ARHGAP44: variants seen among roughly 807,000 people sequenced by gnomAD.
ARHGAP44 encodes the protein Rho GTPase activating protein 44.
Under a neutral mutation model 106.8 loss-of-function variants are expected in ARHGAP44, and 43 were observed. The observed-to-expected ratio is 0.40, with a 90% CI of 0.32 to 0.52. ARHGAP44 has a LOEUF of 0.52. Among genes scored for constraint, ARHGAP44 ranks in the 20% least tolerant of loss-of-function variants. The pLI, the probability that ARHGAP44 is intolerant of heterozygous loss-of-function variation, is 0.48. For missense variants in ARHGAP44, 866 were observed against 1,050.5 expected, an observed-to-expected ratio of 0.82 and a Z score of 2.43; for synonymous variants, 439 against 410.3, an observed-to-expected ratio of 1.07 and a Z score of -0.85.
At chr17:12,805,875 G>A (rs1479702479) in intron 1 of ARHGAP44, among the ~76,000 whole-genome samples, 1 of 152,170 alleles carries the variant, frequency 6.6e-6, no homozygotes, top group Non-Finnish European at 1.5e-5. Flanking sequence ...CATGTTAGGG[G>A]TGAGTTCAGA....
rs138709395 is a variant in ARHGAP44, at chr17:12,963,638, T to C, written c.1523+4741T>C. On this transcript the variant is annotated intron_variant, in intron 16 of 20. Transcript: ENST00000379672. ...AGACAGGCTGGCTTTGCACCAATGC[T>C]GTGTGTGTAGACAGGTCGGCCTTGC... Among the ~76,000 whole-genome samples the C allele has an allele frequency of 9.0e-3, 1,163 of 129,788 alleles. 12 individuals are homozygous for C. Among genetic ancestry groups the C allele is most frequent in the African/African-American group, 0.029 (1,096 of 38,098 alleles). 85.1% of individuals were successfully genotyped at this position (129,788 alleles called of 152,430 possible). A position where few individuals can be genotyped will look rare whatever the true frequency, so the allele number is the denominator to read the frequency against.
chr17:12,849,214 C>CGT (rs112920406), intron 1 of ARHGAP44, among the ~76,000 whole-genome samples: 30,135 of 149,190 alleles, frequency 0.2, 3,432 homozygotes, highest in African/African-American at 0.32. Context: ...CTGAGGTGGG[C>CGT]GTGTGTGTGT....
intron 1 of ARHGAP44, among the ~76,000 whole-genome samples, chr17:12,798,714 C>T (rs1005278919): frequency 6.6e-6 from 1 of 152,046 alleles, no homozygotes; most frequent in Non-Finnish European, 1.5e-5. Context: ...TTTTTTCCCC[C>T]ATATCTGTCA....
In ARHGAP44 at chr17:12,984,801, C is replaced by A. The variant is rs1048055269; in HGVS notation, c.2210C>A (p.Thr737Asn). 6.2e-7 allele frequency: 1 copy of A among 1,614,006 alleles called. No homozygotes were observed. The highest frequency in any genetic ancestry group is 8.5e-7 in the Non-Finnish European group (1 of 1,179,902). The change falls in exon 20 of 21, where the codon ACT becomes AAT. Residue 737 changes from threonine to asparagine, a missense_variant. Transcript: ENST00000379672. Reference protein sequence around the residue: ...RPTPKPRQRPTLPPPQPPTVN... With the variant: ...RPTPKPRQRPNLPPPQPPTVN... ...ACTCCTAAGCCGCGACAGAGACCTA[C>A]TCTGCCGCCTCCTCAGCCTCCCACA...
At chr17:12,829,205 A>G (rs1332894582) in intron 1 of ARHGAP44, among the ~76,000 whole-genome samples, 7 of 152,062 alleles carry the variant, frequency 4.6e-5, no homozygotes, top group South Asian at 2.1e-4. Flanking sequence ...CTGTGTTCCT[A>G]TATCACCCTC....
intron 7 of ARHGAP44, among the ~76,000 whole-genome samples, chr17:12,932,290 A>G (rs187918440): frequency 1.1e-4 from 17 of 152,260 alleles, no homozygotes; most frequent in Admixed American, 1.1e-3. Context: ...AGTATCATGT[A>G]TTTATTGGAC....
Position 12,980,094 on chromosome 17 carries a change from A to C in ARHGAP44, c.1800A>C (p.Ala600=). The part of the protein sequence containing the change: ...TKSKELSPGS[A]QKGSPGSSQG... ...GCAAGGAACTTTCTCCAGGCTCTGC[A>C]CAGAAAGGAAGTCCAGGCTCCAGCC... The change falls in exon 19 of 21, where the codon GCA becomes GCC. Residue 600 remains alanine (A), a synonymous_variant. Coordinates refer to ENST00000379672, the MANE Select transcript of ARHGAP44 (RefSeq NM_014859.6). 1 of 1,613,350 alleles carries C rather than the reference A, an allele frequency of 6.2e-7. No homozygotes were observed.
At position 12,952,858 on chromosome 17, in the gene ARHGAP44, C is replaced by T. The variant is rs541004075; in HGVS notation, c.1136+277C>T. ...ACACCATTCTCCTGCCTCAGCCTCC[C>T]GAGTAGCTATAGGCACCCACCACCA... On this transcript the variant is annotated intron_variant, in intron 13 of 20. Coordinates refer to ENST00000379672, the MANE Select transcript of ARHGAP44 (RefSeq NM_014859.6). Among the ~76,000 whole-genome samples, 474 of 151,544 alleles carry T rather than the reference C, an allele frequency of 3.1e-3. 3 individuals carry two copies. Among genetic ancestry groups the T allele is most frequent in the African/African-American group, 0.01 (428 of 41,338 alleles).
intron 1 of ARHGAP44, among the ~76,000 whole-genome samples, chr17:12,856,511 G>A (rs1026132557): frequency 6.6e-6 from 1 of 152,184 alleles, no homozygotes; most frequent in Non-Finnish European, 1.5e-5. Context: ...CTAGGCAATT[G>A]TGAAATAAGG....
intron 4 of ARHGAP44, among the ~76,000 whole-genome samples, chr17:12,909,722 A>AT (rs1222547314): frequency 2.0e-5 from 3 of 152,194 alleles, no homozygotes; most frequent in Non-Finnish European, 2.9e-5. Context: ...AAAGCTTAAC[A>AT]TTCCATCTAG....
In ARHGAP44 at chr17:12,984,730, G is replaced by A. The variant is rs1313443083; in HGVS notation, c.2139G>A (p.Leu713=). The change falls in exon 20 of 21, where the codon CTG becomes CTA. Residue 713 remains leucine (L), a synonymous_variant. Coordinates refer to ENST00000379672, the MANE Select transcript of ARHGAP44 (RefSeq NM_014859.6). The part of the protein sequence containing the change: ...GQLSPAAAPP[L]ASPSVFTSTL... ...TCTCCCCAGCTGCAGCTCCTCCCCT[G>A]GCCTCTCCTTCTGTCTTTACAAGCA... The A allele has an allele frequency of 6.2e-7, 1 of 1,613,838 alleles. No homozygotes were observed. Among genetic ancestry groups the A allele is most frequent in the South Asian group, 1.1e-5 (1 of 91,070 alleles).
Position 12,789,794 on chromosome 17 carries a change from T to C in ARHGAP44, c.-45T>C. 6.7e-7 allele frequency: 1 copy of C among 1,483,264 alleles called. No homozygotes were observed. The highest frequency in any genetic ancestry group is 8.9e-7 in the Non-Finnish European group (1 of 1,117,632). The allele number at this position is 1,483,264 out of a possible 1,614,324, so 91.9% of individuals were successfully genotyped here. Reference sequence around the variant, plus strand: ...AACCCTGCGGCGGGCTCCGGGCTGCTCCGTCCTTCCCCAGCTCCCGGGCTA... The same window carrying C: ...AACCCTGCGGCGGGCTCCGGGCTGCCCCGTCCTTCCCCAGCTCCCGGGCTA... On this transcript the variant is annotated 5_prime_UTR_variant, in exon 1 of 21. Coordinates refer to ENST00000379672, the MANE Select transcript of ARHGAP44 (RefSeq NM_014859.6).
rs562313250 is a variant in ARHGAP44 at position 12,960,725 on chromosome 17, G to C, written c.1523+1828G>C. On this transcript the variant is annotated intron_variant, in intron 16 of 20. Transcript: ENST00000379672. ...ATTACAGGCAGGAGCCACCATGCCT[G>C]GCTAATTTTTGTATTTTTAGTAGAG... Among the ~76,000 whole-genome samples the C allele has an allele frequency of 3.9e-5, 6 of 152,078 alleles. No individual in the cohort carries two copies. In the South Asian group the frequency reaches 1.2e-3, roughly 32 times the overall value.
chr17:12,939,638 TG>T (rs1388796359), intron 7 of ARHGAP44, among the ~76,000 whole-genome samples: 1 of 152,118 alleles, frequency 6.6e-6, no homozygotes, highest in African/African-American at 2.4e-5. Context: ...GCTAATTTTT[TG>T]TATTTTTTAG....
At chr17:12,915,776 T>G in intron 4 of ARHGAP44, 124 bp from the exon 5 acceptor site, 1 of 753,366 alleles carries the variant, frequency 1.3e-6, no homozygotes, top group Non-Finnish European at 2.2e-6. Flanking sequence ...GCCATGGAGA[T>G]CAGCCAGCTT....
intron 1 of ARHGAP44, among the ~76,000 whole-genome samples, chr17:12,844,078 T>A (rs1453541615): frequency 6.6e-6 from 1 of 152,222 alleles, no homozygotes; most frequent in Non-Finnish European, 1.5e-5. Flanking sequence ...CTTTGGAGTC[T>A]GCTCTGTGCA....
intron 16 of ARHGAP44, among the ~76,000 whole-genome samples, chr17:12,960,719 A>G (rs1418246099): frequency 3.9e-5 from 6 of 151,970 alleles, no homozygotes; most frequent in Admixed American, 2.0e-4. Flanking sequence ...AGGAGCCACC[A>G]TGCCTGGCTA....
rs544121550 is a variant in ARHGAP44 at position 12,894,268 on chromosome 17, G to A, written c.54-672G>A. Among the ~76,000 whole-genome samples, 724 of 150,716 alleles carry A rather than the reference G, an allele frequency of 4.8e-3. 5 individuals are homozygous for A. Among genetic ancestry groups the A allele is most frequent in the African/African-American group, 0.017 (693 of 40,858 alleles). ...TGTGTGTGTGTGTGTGTGCACGTGCGTGCGTGTTGTCAGATAAAGAGAGAG... is the reference window on the plus strand; with the variant it reads ...TGTGTGTGTGTGTGTGTGCACGTGCATGCGTGTTGTCAGATAAAGAGAGAG... On this transcript the variant is annotated intron_variant, in intron 1 of 20. Coordinates refer to ENST00000379672, the MANE Select transcript of ARHGAP44 (RefSeq NM_014859.6).
chr17:12,988,564 G>C (rs2040016429), intron 20 of ARHGAP44: 2 of 152,236 alleles, frequency 1.3e-5, no homozygotes, highest in South Asian at 4.1e-4. Flanking sequence ...TCTCCATCAG[G>C]CAGCAAAACA....
Sources: gnomAD v4.1 joint callset for allele counts (sites outside exome capture counted in the v4.1 genomes callset) on GRCh38, gnomAD v4.1.1 for gene constraint, MANE v1.5 for transcripts, NCBI Gene and HGNC (gene_info 2026-07-23, HGNC 2026-07-21) for gene names.